MALL: variants seen among roughly 807,000 people sequenced by gnomAD.
MALL encodes the protein MAL-like protein.
Under a neutral mutation model 10.3 loss-of-function variants are expected in MALL, and 2 were observed. The ratio of observed to expected loss-of-function variants is 0.19; its 90% CI spans 0.08 to 0.61. The LOEUF is 0.61. Ranked by LOEUF, MALL falls within the 20% of genes least tolerant of loss-of-function variation. MALL has a pLI of 0.88. For missense variants in MALL, 39 were observed against 115.2 expected (o/e 0.34, Z 3.03); for synonymous variants, 27 against 51.8 (o/e 0.52, Z 2.05).
At chr2:110,097,108 AG>A (rs1678459278) in intron 1 of MALL, among the ~76,000 whole-genome samples, 10 of 150,778 alleles carry the variant, frequency 6.6e-5, no homozygotes, top group Non-Finnish European at 1.0e-4. Flanking sequence ...AAAAAAAAAA[AG>A]AGAGAGAAAA....
upstream of MALL, among the ~76,000 whole-genome samples, chr2:110,117,684 A>C (rs924986461): frequency 4.7e-5 from 7 of 150,368 alleles, no homozygotes; most frequent in Non-Finnish European, 1.0e-4. Flanking sequence ...TATTCCCCCC[A>C]TGCTTTTAGG....
Position 110,108,022 on chromosome 2 carries a change from C to A in MALL, c.105+7666G>T, listed in dbSNP as rs1678730178. ...TACATCAGGGGAACACCCTGTAGGACAAAAGAATCTGAACAGCCTTCAGCC... is the reference window on the plus strand; with the variant it reads ...TACATCAGGGGAACACCCTGTAGGAAAAAAGAATCTGAACAGCCTTCAGCC... On this transcript the variant is annotated intron_variant, in intron 1 of 3. Coordinates refer to ENST00000272462, the MANE Select transcript of MALL (RefSeq NM_005434.5). Among the ~76,000 whole-genome samples the A allele has an allele frequency of 2.6e-5, 4 of 152,254 alleles. No individual in the cohort carries two copies. The South Asian group carries it at 8.3e-4, about 32-fold the overall frequency.
At chr2:110,102,264 AC>A (rs1199365567) in intron 1 of MALL, among the ~76,000 whole-genome samples, 6 of 152,044 alleles carry the variant, frequency 3.9e-5, no homozygotes, top group African/African-American at 1.2e-4. Flanking sequence ...CTATGACTAG[AC>A]CCTGAAAGGC....
intron 1 of MALL, among the ~76,000 whole-genome samples, chr2:110,095,218 G>T (rs1468867343): frequency 3.9e-5 from 6 of 152,064 alleles, no homozygotes; most frequent in Non-Finnish European, 8.8e-5. Context: ...CTCATATTTG[G>T]CTTTCCAAAT....
chr2:110,107,204 T>A (rs2104390736), intron 1 of MALL, among the ~76,000 whole-genome samples: 1 of 152,180 alleles, frequency 6.6e-6, no homozygotes, highest in Non-Finnish European at 1.5e-5. Context: ...AGCCCCCAAG[T>A]ACCAAGGGCA....
Position 110,110,050 on chromosome 2 carries a change from C to T in MALL, c.105+5638G>A, listed in dbSNP as rs79036698. Reference sequence around the variant, plus strand: ...CAATAATGACACAACTTATCAAAACCTCTGGTATATAGCAAAGGCAGTGTT... The same window carrying T: ...CAATAATGACACAACTTATCAAAACTTCTGGTATATAGCAAAGGCAGTGTT... On this transcript the variant is annotated intron_variant, in intron 1 of 3. Transcript: ENST00000272462. 6.2e-3 allele frequency among the ~76,000 whole-genome samples: 943 copies of T among 152,104 alleles called. 9 individuals are homozygous for T. Among genetic ancestry groups the T allele is most frequent in the African/African-American group, 0.022 (909 of 41,482 alleles).
At chr2:110,111,963 A>G (rs1264467489) in intron 1 of MALL, among the ~76,000 whole-genome samples, 2 of 152,270 alleles carry the variant, frequency 1.3e-5, no homozygotes, top group Middle Eastern at 3.4e-3. Flanking sequence ...GACAAAGCAA[A>G]CAAAAACATA....
intron 1 of MALL, among the ~76,000 whole-genome samples, chr2:110,095,081 G>C (rs1384835390): frequency 6.7e-6 from 1 of 150,158 alleles, no homozygotes; most frequent in Non-Finnish European, 1.5e-5. Flanking sequence ...GGAGGGACCA[G>C]AGCCAAGGGC....
At chr2:110,103,820 C>T (rs1229695324) in intron 1 of MALL, among the ~76,000 whole-genome samples, 5 of 152,266 alleles carry the variant, frequency 3.3e-5, no homozygotes, top group South Asian at 2.1e-4. Flanking sequence ...TCCTGCTGGA[C>T]GGCCAGGGAA....
Position 110,115,785 on chromosome 2 carries a change from G to T in MALL, c.8C>A (p.Ser3Ter), listed in dbSNP as rs1169731774. ...GTAGCTGGTGGCGGGCGGGTCGGGC[G>T]AGGCCATGCTGTCAGCCCCTGCCGG... MA[S>*]PDPPATSYAP... The change falls in exon 1 of 4, where the codon TCG (serine) becomes TAG (stop). Residue 3 changes from serine to a stop codon, truncating the protein, a stop_gained. Transcript: ENST00000272462. LOFTEE classifies it high-confidence loss of function. 2.4e-6 allele frequency: 3 copies of T among 1,267,180 alleles called. No homozygotes were observed. Among genetic ancestry groups the T allele is most frequent in the South Asian group, 3.8e-5 (1 of 25,984 alleles). 78.5% of individuals were successfully genotyped at this position (1,267,180 alleles called of 1,614,324 possible).
rs138003815 is a variant in MALL, at chr2:110,095,604, C to G, written c.106-3834G>C. On this transcript the variant is annotated intron_variant, in intron 1 of 3. Coordinates refer to ENST00000272462, the MANE Select transcript of MALL (RefSeq NM_005434.5). ...ATTTCCAACTAAAAAAAAATATTGT[C>G]AAATTACCATCTTATAACCTGCATT... 6.9e-4 allele frequency among the ~76,000 whole-genome samples: 104 copies of G among 151,432 alleles called. 1 individual carries two copies. Among genetic ancestry groups the G allele is most frequent in the African/African-American group, 2.4e-3 (99 of 41,262 alleles).
chr2:110,101,904 T>G (rs1678571544), intron 1 of MALL, among the ~76,000 whole-genome samples: 1 of 152,124 alleles, frequency 6.6e-6, no homozygotes, highest in South Asian at 2.1e-4. Flanking sequence ...TGACTACCTG[T>G]GTACCTTAGA....
chr2:110,115,198 A>T (rs1201201501), intron 1 of MALL, among the ~76,000 whole-genome samples: 1 of 152,214 alleles, frequency 6.6e-6, no homozygotes, highest in Non-Finnish European at 1.5e-5. Context: ...TCTCAGAGGG[A>T]AACACAGTCT....
At chr2:110,096,175 G>A (rs1028850369) in intron 1 of MALL, among the ~76,000 whole-genome samples, 1 of 152,122 alleles carries the variant, frequency 6.6e-6, no homozygotes, top group African/African-American at 2.4e-5. Context: ...CCAGGGTCTG[G>A]GGTCCTGCCC....
At chr2:110,105,648 G>A (rs1351887464) in intron 1 of MALL, among the ~76,000 whole-genome samples, 1 of 152,176 alleles carries the variant, frequency 6.6e-6, no homozygotes, top group Non-Finnish European at 1.5e-5. Context: ...TGCTGCTCCT[G>A]GAAGTATGGA....
chr2:110,106,677 C>T (rs989084652), intron 1 of MALL, among the ~76,000 whole-genome samples: 15 of 152,124 alleles, frequency 9.9e-5, no homozygotes, highest in African/African-American at 3.4e-4. Flanking sequence ...CTTAATAAAG[C>T]GTACACTTAC....
intron 1 of MALL, among the ~76,000 whole-genome samples, chr2:110,104,241 AT>A (rs1327307763): frequency 2.0e-5 from 3 of 152,056 alleles, no homozygotes; most frequent in Non-Finnish European, 4.4e-5. Context: ...AGCACTTATT[AT>A]TCTCTGGATT....
At chr2:110,107,407 G>A (rs1051885896) in intron 1 of MALL, among the ~76,000 whole-genome samples, 1 of 152,058 alleles carries the variant, frequency 6.6e-6, no homozygotes. Flanking sequence ...GGTGAGGCCT[G>A]TAACTGCCAG....
upstream of MALL, chr2:110,116,529 C>G (rs1369397797): frequency 4.6e-5 from 7 of 152,494 alleles, no homozygotes; most frequent in Admixed American, 4.6e-4. Flanking sequence ...CCGGCAGGCA[C>G]CAGAGAAGGG....
Sources: gnomAD v4.1 joint callset for allele counts (sites outside exome capture counted in the v4.1 genomes callset) on GRCh38, gnomAD v4.1.1 for gene constraint, MANE v1.5 for transcripts, NCBI Gene and HGNC (gene_info 2026-07-23, HGNC 2026-07-21) for gene names.